Variants in GAN observed in about 807,000 individuals in gnomAD.
The protein encoded by GAN is gigaxonin.
GAN carries 48 observed loss-of-function variants against 71.3 expected under a neutral mutation model. The ratio of observed to expected loss-of-function variants is 0.67; its 90% CI spans 0.53 to 0.86. The LOEUF (loss-of-function observed/expected upper bound fraction) is 0.86, where lower values mean the gene tolerates loss of function less well. GAN is among the 40% of genes least tolerant of loss of function. GAN has a pLI of 0.00. For synonymous variants in GAN, 386 were observed against 276.8 expected (o/e 1.39, Z -3.92); for missense variants, 928 against 770.1 (o/e 1.21, Z -2.43).
intron 2 of GAN, among the ~76,000 whole-genome samples, chr16:81,353,661 C>G (rs1910382667): frequency 6.6e-6 from 1 of 152,158 alleles, no homozygotes; most frequent in Non-Finnish European, 1.5e-5. Flanking sequence ...GGGTCGTCCA[C>G]TTAGGACTGT....
At chr16:81,371,555 C>T (rs537892805) in intron 9 of GAN, among the ~76,000 whole-genome samples, 3 of 152,260 alleles carry the variant, frequency 2.0e-5, no homozygotes, top group Admixed American at 6.5e-5. Flanking sequence ...CTCGAAGCCT[C>T]GGTCATAAGC....
At chr16:81,344,672 GGC>G (rs1194596708) in intron 1 of GAN, among the ~76,000 whole-genome samples, 1 of 151,972 alleles carries the variant, frequency 6.6e-6, no homozygotes, top group Non-Finnish European at 1.5e-5. Context: ...AGAAAACCTG[GGC>G]AATACCATTC....
At chr16:81,343,213 C>T (rs943302641) in intron 1 of GAN, among the ~76,000 whole-genome samples, 4 of 152,202 alleles carry the variant, frequency 2.6e-5, no homozygotes, top group African/African-American at 9.6e-5. Context: ...TGGTACCATT[C>T]CTTCTGAAAC....
In GAN at chr16:81,362,682, C is replaced by T. The variant is rs12448327; in HGVS notation, c.1086+71C>T. The T allele has an allele frequency of 0.22, 195,236 of 889,268 alleles. 24,768 individuals carry two copies. Among genetic ancestry groups the T allele is most frequent in the Non-Finnish European group, 0.27 (141,868 of 522,294 alleles). 55.1% of individuals were successfully genotyped at this position (889,268 alleles called of 1,614,324 possible). A position where few individuals can be genotyped will look rare whatever the true frequency, so the allele number is the denominator to read the frequency against. ...CTTAGCGCTTCTGTTTGTTTTGTGT[C>T]TGAGTTCAGGGAAGAAACGGCAGCC... On this transcript the variant is annotated intron_variant, in intron 6 of 10. Coordinates refer to ENST00000648994, the MANE Select transcript of GAN (RefSeq NM_022041.4).
chr16:81,372,727 G>C (rs994077891), intron 9 of GAN, among the ~76,000 whole-genome samples: 1 of 152,174 alleles, frequency 6.6e-6, no homozygotes, highest in African/African-American at 2.4e-5. Context: ...TTCAGAATCT[G>C]GGAAGAACTT....
chr16:81,328,445 T>G (rs916000245), intron 1 of GAN, among the ~76,000 whole-genome samples: 1 of 152,240 alleles, frequency 6.6e-6, no homozygotes, highest in Non-Finnish European at 1.5e-5. Context: ...GCCATTTAAT[T>G]TGCAGGCTGA....
chr16:81,319,850 G>T (rs1011907571), intron 1 of GAN, among the ~76,000 whole-genome samples: 3 of 152,126 alleles, frequency 2.0e-5, no homozygotes, highest in African/African-American at 7.2e-5. Context: ...TGGGCTACAT[G>T]GACAGCAAAT....
chr16:81,340,006 T>C (rs1161746288), intron 1 of GAN, among the ~76,000 whole-genome samples: 1 of 152,204 alleles, frequency 6.6e-6, no homozygotes, highest in Non-Finnish European at 1.5e-5. Context: ...TCTGAAATGG[T>C]CCATGCTCGT....
rs1009736670 is a variant in GAN at position 81,385,814 on chromosome 16, C to G, written c.*8218C>G. 5.4e-4 allele frequency: 82 copies of G among 151,206 alleles called. No individual in the cohort carries two copies. The highest frequency in any genetic ancestry group is 1.9e-3 in the African/African-American group (77 of 40,934). The allele number at this position is 151,206 out of a possible 1,614,324, so 9.4% of individuals were successfully genotyped here. A position where few individuals can be genotyped will look rare whatever the true frequency, so the allele number is the denominator to read the frequency against. ...TGAGATGGAGTCTCGCTCCGTCACC[C>G]AGGCTGGAGTGCAGTGGCGCCATCT... is the stretch of plus-strand genomic sequence containing the variant. On this transcript the variant is annotated 3_prime_UTR_variant, in exon 11 of 11. Transcript: ENST00000648994.
chr16:81,359,832 A>G (rs919760743), intron 5 of GAN, among the ~76,000 whole-genome samples: 2 of 152,228 alleles, frequency 1.3e-5, no homozygotes, highest in African/African-American at 4.8e-5. Context: ...ATAACTGATA[A>G]TAAAACGACG....
chr16:81,378,730 A>G lies in GAN; in HGVS notation c.*1134A>G, dbSNP rs1343545797. On this transcript the variant is annotated 3_prime_UTR_variant, in exon 11 of 11. Coordinates refer to ENST00000648994, the MANE Select transcript of GAN (RefSeq NM_022041.4). ...TTACGAGTAAAGTTTGGCTGGTAGA[A>G]TAAACTACCTCAACTTAATTTCATT... 1.3e-5 allele frequency: 2 copies of G among 152,666 alleles called. No homozygotes were observed. The highest frequency in any genetic ancestry group is 2.9e-5 in the Non-Finnish European group (2 of 68,044). 9.5% of individuals were successfully genotyped at this position (152,666 alleles called of 1,614,324 possible).
chr16:81,380,069 T>A lies in GAN; in HGVS notation c.*2473T>A, dbSNP rs936957817. On this transcript the variant is annotated 3_prime_UTR_variant, in exon 11 of 11. Coordinates refer to ENST00000648994, the MANE Select transcript of GAN (RefSeq NM_022041.4). ...TTTACTATATATAAATATTAAAATA[T>A]TGTGTTGAAGTATAGGGATGTATTT... is the stretch of plus-strand genomic sequence containing the variant. 1 of 152,586 alleles carries A rather than the reference T, an allele frequency of 6.6e-6. No individual in the cohort carries two copies. The highest frequency in any genetic ancestry group is 1.5e-5 in the Non-Finnish European group (1 of 68,024). The allele number at this position is 152,586 out of a possible 1,614,324, so 9.5% of individuals were successfully genotyped here. A position where few individuals can be genotyped will look rare whatever the true frequency, so the allele number is the denominator to read the frequency against.
At chr16:81,348,597 C>G (rs1910198750) in intron 1 of GAN, among the ~76,000 whole-genome samples, 1 of 152,170 alleles carries the variant, frequency 6.6e-6, no homozygotes, top group Non-Finnish European at 1.5e-5. Context: ...TGCTGGGGGC[C>G]CTGTCCAGCC....
At chr16:81,336,648 TAA>T (rs1567483954) in intron 1 of GAN, among the ~76,000 whole-genome samples, 10 of 147,384 alleles carry the variant, frequency 6.8e-5, no homozygotes, top group Non-Finnish European at 9.0e-5. Context: ...TTTTTTTTTT[TAA>T]TTTTCTTTGT....
At chr16:81,352,396 G>A (rs753167449) in intron 2 of GAN, among the ~76,000 whole-genome samples, 20 of 152,160 alleles carry the variant, frequency 1.3e-4, no homozygotes, top group Non-Finnish European at 2.8e-4. Flanking sequence ...AGCAAAGCAT[G>A]AGGACTCAAG....
chr16:81,316,794 C>G lies in GAN; in HGVS notation c.167+1514C>G, dbSNP rs76645023. Among the ~76,000 whole-genome samples, 364 of 152,288 alleles carry G rather than the reference C, an allele frequency of 2.4e-3. 6 individuals carry two copies. Among genetic ancestry groups the G allele is most frequent in the East Asian group, 6.8e-3 (35 of 5,178 alleles). ...ATAGCACTTACCACTTTGACGTACC[C>G]CATATTTTACACATTTACTTTGGTG... On this transcript the variant is annotated intron_variant, in intron 1 of 10. Coordinates refer to ENST00000648994, the MANE Select transcript of GAN (RefSeq NM_022041.4).
chr16:81,377,639 C>G lies in GAN; in HGVS notation c.*43C>G, dbSNP rs777314314. 2.0e-6 allele frequency: 3 copies of G among 1,537,426 alleles called. No homozygotes were observed. The highest frequency in any genetic ancestry group is 1.1e-5 in the South Asian group (1 of 89,480). On this transcript the variant is annotated 3_prime_UTR_variant, in exon 11 of 11. Transcript: ENST00000648994. ...GTGCGAGATCCTGACCCAAGAGCAC[C>G]ATAACATAGCTCCGAAAGGGAGAGC...
At chr16:81,332,758 T>C (rs1057432865) in intron 1 of GAN, among the ~76,000 whole-genome samples, 1 of 152,214 alleles carries the variant, frequency 6.6e-6, no homozygotes, top group Non-Finnish European at 1.5e-5. Flanking sequence ...AGTTATTTTA[T>C]AGAATATCCC....
intron 1 of GAN, among the ~76,000 whole-genome samples, chr16:81,326,546 T>G (rs1909395981): frequency 6.6e-6 from 1 of 151,870 alleles, no homozygotes; most frequent in South Asian, 2.1e-4. Context: ...AAAAAAAGGA[T>G]AATTGAGTTG....
Sources: gnomAD v4.1 joint callset for allele counts (sites outside exome capture counted in the v4.1 genomes callset) on GRCh38, gnomAD v4.1.1 for gene constraint, MANE v1.5 for transcripts, NCBI Gene and HGNC (gene_info 2026-07-23, HGNC 2026-07-21) for gene names.